The following TUBGCP5 variants were observed in gnomAD, a reference collection of about 807,000 sequenced individuals.
TUBGCP5 encodes the protein tubulin gamma complex component 5, also known as gamma-tubulin complex component 5.
A neutral mutation model predicts 134.7 loss-of-function variants in TUBGCP5; 98 were observed. The observed-to-expected ratio is 0.73, with a 90% CI of 0.62 to 0.86. TUBGCP5 has a LOEUF of 0.86. Among genes scored for constraint, TUBGCP5 ranks in the 40% least tolerant of loss-of-function variants. The probability of loss-of-function intolerance (pLI) is 0.00; values close to 1 mark genes in which losing one functional copy is unlikely to be tolerated. For missense variants in TUBGCP5, 1,150 were observed against 1,244.8 expected (o/e 0.92, Z 1.15); for synonymous variants, 456 against 431.4 (o/e 1.06, Z -0.71).
chr15:22,983,438 G>T (rs889070013), exon 24 of TUBGCP5: 3 of 151,996 alleles, frequency 2.0e-5, no homozygotes, highest in Non-Finnish European at 2.9e-5. Context: ...ATATATGCAG[G>T]CCTATGATAA....
intron 21 of TUBGCP5, 57 bp downstream of exon 21, chr15:23,003,008 A>T: frequency 2.6e-6 from 4 of 1,566,748 alleles, no homozygotes; most frequent in Non-Finnish European, 3.5e-6. Flanking sequence ...TCTAAAAAAA[A>T]GGGAAGCTGA....
chr15:23,019,428 T>A, intron 11 of TUBGCP5, 94 bp from the exon 12 acceptor site: 1 of 773,744 alleles, frequency 1.3e-6, no homozygotes, highest in Non-Finnish European at 2.2e-6. Context: ...TTTAAAAAAG[T>A]GATCGGATTT....
intron 6 of TUBGCP5, among the ~76,000 whole-genome samples, chr15:23,028,790 G>A (rs2066127365): frequency 6.6e-6 from 1 of 152,070 alleles, no homozygotes. Flanking sequence ...TAGAGGGTTG[G>A]GCTGCTGGGC....
At chr15:23,034,385 C>T (rs1334744137) in intron 3 of TUBGCP5, among the ~76,000 whole-genome samples, 1 of 152,124 alleles carries the variant, frequency 6.6e-6, no homozygotes. Context: ...GAATTGAAAA[C>T]AACTATGATT....
At chr15:23,023,479 G>A (rs1322420827) in intron 10 of TUBGCP5, 1 of 160,806 alleles carries the variant, frequency 6.2e-6, no homozygotes, top group African/African-American at 2.4e-5. Flanking sequence ...ACTGGGCTAT[G>A]ACACGACCAT....
intron 12 of TUBGCP5, 95 bp from the exon 13 acceptor site, chr15:23,018,136 TATTA>T (rs1284370889): frequency 3.7e-5 from 47 of 1,274,546 alleles, no homozygotes; most frequent in African/African-American, 3.0e-5. Context: ...TAAAACATAG[TATTA>T]ATTATTAGTA....
chr15:23,016,497 G>GAAAAAAAAAAAAAAAAA (rs34275068), intron 13 of TUBGCP5, among the ~76,000 whole-genome samples: 1 of 102,834 alleles, frequency 9.7e-6, no homozygotes. Context: ...TCTGTCTCAG[G>GAAAAAAAAAAAAAAAAA]AAAAAAAAAA....
At chr15:23,034,438 G>A (rs2066471536) in intron 3 of TUBGCP5, among the ~76,000 whole-genome samples, 3 of 152,196 alleles carry the variant, frequency 2.0e-5, no homozygotes, top group Non-Finnish European at 2.9e-5. Flanking sequence ...TAACAAGGAA[G>A]AACAGATCAG....
At chr15:23,024,629 G>T in intron 9 of TUBGCP5, 108 bp downstream of exon 9, 1 of 619,214 alleles carries the variant, frequency 1.6e-6, no homozygotes, top group Non-Finnish European at 2.7e-6. Flanking sequence ...ATGTGAGGAA[G>T]CAAGAACGAG....
rs71400446 is a variant in TUBGCP5, at chr15:23,027,416, A to G, written c.623-110T>C. On this transcript the variant is annotated intron_variant, in intron 6 of 22. Coordinates refer to ENST00000615383, the MANE Select transcript of TUBGCP5 (RefSeq NM_052903.6). ...GTATAGTTGAAAATGGCTTTTTAAA[A>G]ATAACAGCTACCTAACATTTATGTA... 85,393 of 795,392 alleles carry G rather than the reference A, an allele frequency of 0.11. 7,424 individuals carry two copies. The highest frequency in any genetic ancestry group is 0.46 in the East Asian group (17,401 of 37,830). 49.3% of individuals were successfully genotyped at this position (795,392 alleles called of 1,614,324 possible).
intron 13 of TUBGCP5, among the ~76,000 whole-genome samples, chr15:23,011,886 C>T (rs369452292): frequency 8.0e-4 from 119 of 149,324 alleles, no homozygotes; most frequent in African/African-American, 2.4e-3. Context: ...GAGGCTGAGG[C>T]GGGTGGATCA....
intron 21 of TUBGCP5, 65 bp from the exon 22 acceptor site, chr15:23,000,734 A>C (rs2064324127): frequency 1.7e-6 from 2 of 1,174,668 alleles, no homozygotes; most frequent in Admixed American, 4.8e-5. Context: ...GCTTCAAGAT[A>C]TCTGTGGAGT....
chr15:23,031,477 C>A (rs556906413), intron 5 of TUBGCP5, among the ~76,000 whole-genome samples: 26 of 152,216 alleles, frequency 1.7e-4, no homozygotes, highest in Admixed American at 1.4e-3. Flanking sequence ...CCACCACACC[C>A]AGCTAATTTT....
Position 23,019,522 on chromosome 15 carries a change from G to T in TUBGCP5, c.1372-188C>A, listed in dbSNP as rs1036900793. On this transcript the variant is annotated intron_variant, in intron 11 of 22. Coordinates refer to ENST00000615383, the MANE Select transcript of TUBGCP5 (RefSeq NM_052903.6). ...TATGAAAAACTCACCTAAATGCCGG[G>T]CGTGGTGGCTCACGCCTGTGATCCC... The T allele has an allele frequency of 4.9e-5, 28 of 574,808 alleles. No homozygotes were observed. The East Asian group carries it at 6.9e-4, about 14-fold the overall frequency. 35.6% of individuals were successfully genotyped at this position (574,808 alleles called of 1,614,324 possible). A position where few individuals can be genotyped will look rare whatever the true frequency, so the allele number is the denominator to read the frequency against.
chr15:23,023,445 G>C (rs1374163687), intron 10 of TUBGCP5: 1 of 155,058 alleles, frequency 6.4e-6, no homozygotes, highest in Non-Finnish European at 1.4e-5. Context: ...AAAAGCCTGG[G>C]AACAACCTAA....
chr15:22,999,654 G>T lies in TUBGCP5; in HGVS notation c.*166C>A. Reference sequence around the variant, plus strand: ...GGGCTCAAGTGATCTGCCTGTCTTGGCCTCCCATCGTGCTGGGATTAGAGG... The same window carrying T: ...GGGCTCAAGTGATCTGCCTGTCTTGTCCTCCCATCGTGCTGGGATTAGAGG... On this transcript the variant is annotated 3_prime_UTR_variant, in exon 23 of 23. Coordinates refer to ENST00000615383, the MANE Select transcript of TUBGCP5 (RefSeq NM_052903.6). 1 of 691,298 alleles carries T rather than the reference G, an allele frequency of 1.4e-6. No individual in the cohort carries two copies. Among genetic ancestry groups the T allele is most frequent in the Non-Finnish European group, 2.4e-6 (1 of 412,860 alleles). The allele number at this position is 691,298 out of a possible 1,614,324, so 42.8% of individuals were successfully genotyped here. A position where few individuals can be genotyped will look rare whatever the true frequency, so the allele number is the denominator to read the frequency against.
At chr15:23,037,198 G>GT (rs1401782129) in intron 1 of TUBGCP5, 46 bp from the exon 2 acceptor site, 2 of 1,580,504 alleles carry the variant, frequency 1.3e-6, no homozygotes, top group East Asian at 2.2e-5. Context: ...TGTCACACAG[G>GT]TAAGTGAACT....
At chr15:23,008,030 A>C (rs951388014) in intron 16 of TUBGCP5, among the ~76,000 whole-genome samples, 1 of 152,116 alleles carries the variant, frequency 6.6e-6, no homozygotes, top group Non-Finnish European at 1.5e-5. Flanking sequence ...CAGCCATGTG[A>C]AGGAGGCCAT....
In TUBGCP5 at chr15:23,008,789, A is replaced by C. The variant is rs776142632; in HGVS notation, c.2237T>G (p.Ile746Arg). The change falls in exon 16 of 23, where the codon ATA (isoleucine) becomes AGA (arginine). Residue 746 changes from isoleucine (I) to arginine (R), a missense_variant. By Grantham distance (97) the Ile-to-Arg change is moderately conservative. Transcript: ENST00000615383. Reference protein sequence around the residue: ...YDFYTSIFDKIREKETWQNVS... With the variant: ...YDFYTSIFDKRREKETWQNVS... ...ATTCTGCCATGTTTCCTTTTCTCTT[A>C]TTTTATCAAAAATTGACGTGTAGAA... The C allele has an allele frequency of 4.4e-6, 7 of 1,603,622 alleles. No individual in the cohort carries two copies. In the Admixed American group the frequency reaches 8.8e-5, roughly 20 times the overall value.
Sources: allele counts gnomAD v4.1 joint callset (sites outside exome capture counted in the v4.1 genomes callset), GRCh38; gene constraint gnomAD v4.1.1; transcripts MANE v1.5; gene names NCBI Gene and HGNC (gene_info 2026-07-23, HGNC 2026-07-21).